Variants in SCN2A observed in about 807,000 individuals in gnomAD.
The protein encoded by SCN2A is sodium voltage-gated channel alpha subunit 2, also known as sodium channel protein type 2 subunit alpha.
Under a neutral mutation model 188.7 loss-of-function variants are expected in SCN2A, and 20 were observed. That is an observed-to-expected ratio of 0.11 (90% CI 0.07 to 0.15). The LOEUF (loss-of-function observed/expected upper bound fraction) is 0.15, where lower values mean the gene tolerates loss of function less well. Among genes scored for constraint, SCN2A ranks in the 10% least tolerant of loss-of-function variants. SCN2A has a pLI of 1.00. For synonymous variants in SCN2A, 804 were observed against 833.1 expected (o/e 0.97, Z 0.60); for missense variants, 1,278 against 2,445.0 (o/e 0.52, Z 10.07).
intron 17 of SCN2A, 26 bp downstream of exon 17, chr2:165,354,697 T>C (rs200281442): frequency 1.9e-6 from 3 of 1,609,018 alleles, no homozygotes; most frequent in Non-Finnish European, 1.7e-6. Context: ...TAAGGAGATA[T>C]TTTGGTGTTA....
intron 2 of SCN2A, chr2:165,296,764 G>C (rs574595743): frequency 1.7e-4 from 46 of 272,552 alleles, no homozygotes; most frequent in Admixed American, 1.4e-3. Context: ...ATTAAAACTT[G>C]ATAAAGTTGC....
At chr2:165,240,695 G>GTGTGTGTGT (rs1693579275) in intron 1 of SCN2A, among the ~76,000 whole-genome samples, 1 of 136,076 alleles carries the variant, frequency 7.3e-6, no homozygotes, top group African/African-American at 2.9e-5. Context: ...GTGTGTGTGT[G>GTGTGTGTGT]ATGGTGGAGG....
intron 17 of SCN2A, among the ~76,000 whole-genome samples, chr2:165,356,833 C>T (rs1700205107): frequency 6.6e-6 from 1 of 152,150 alleles, no homozygotes; most frequent in Admixed American, 6.5e-5. Flanking sequence ...AGAGTAGGGA[C>T]ATCTCTTGTT....
chr2:165,386,674 T>A, intron 25 of SCN2A, 72 bp from the exon 26 acceptor site: 1 of 1,465,174 alleles, frequency 6.8e-7, no homozygotes, highest in South Asian at 1.2e-5. Context: ...TGTTGCTTTC[T>A]TAAAATCAGA....
chr2:165,366,552 G>C (rs983776256), intron 18 of SCN2A, among the ~76,000 whole-genome samples: 1 of 151,782 alleles, frequency 6.6e-6, no homozygotes, highest in Non-Finnish European at 1.5e-5. Context: ...GGCAAACATG[G>C]TAAGACCCCA....
chr2:165,292,854 G>A (rs1696292630), intron 1 of SCN2A, among the ~76,000 whole-genome samples: 1 of 152,150 alleles, frequency 6.6e-6, no homozygotes, highest in Non-Finnish European at 1.5e-5. Context: ...TTATCCAATA[G>A]GGTTGTGTGG....
chr2:165,380,765 A>G (rs771876443), intron 24 of SCN2A, 36 bp downstream of exon 24: 10 of 1,478,928 alleles, frequency 6.8e-6, no homozygotes, highest in South Asian at 5.8e-5. Context: ...GCTCTGAAAT[A>G]TGAACTAAAT....
At chr2:165,242,409 C>G (rs1421986487) in intron 1 of SCN2A, among the ~76,000 whole-genome samples, 2 of 151,930 alleles carry the variant, frequency 1.3e-5, no homozygotes, top group African/African-American at 2.4e-5. Context: ...AATTGAATAT[C>G]AAAATAGGGA....
At chr2:165,387,126 A>G (rs1701918540) in intron 26 of SCN2A, 110 bp downstream of exon 26, 4 of 1,121,708 alleles carry the variant, frequency 3.6e-6, no homozygotes, top group Non-Finnish European at 5.3e-6. Flanking sequence ...AAACTCCCAA[A>G]TAAAAATCTA....
chr2:165,360,167 G>T (rs558115496), intron 17 of SCN2A, among the ~76,000 whole-genome samples: 1 of 151,338 alleles, frequency 6.6e-6, no homozygotes, highest in Non-Finnish European at 1.5e-5. Context: ...TGTTTTCTTC[G>T]AAATGTATCT....
At chr2:165,250,975 T>C (rs1694064787) in intron 1 of SCN2A, among the ~76,000 whole-genome samples, 2 of 152,024 alleles carry the variant, frequency 1.3e-5, no homozygotes, top group African/African-American at 2.4e-5. Context: ...TAAGGAGTAA[T>C]CAACAGAACA....
Position 165,316,975 on chromosome 2 carries a change from T to C in SCN2A, c.1671+1217T>C, listed in dbSNP as rs1697787487. On this transcript the variant is annotated intron_variant, in intron 11 of 26. Coordinates refer to ENST00000375437, the MANE Select transcript of SCN2A (RefSeq NM_001040142.2). ...CCTTAAAGTTTCCACTTTATCAAGT[T>C]GCCTATGAAGAATGCCTTTAAAAAC... Among the ~76,000 whole-genome samples the C allele has an allele frequency of 2.0e-5, 3 of 152,280 alleles. No individual in the cohort carries two copies. In the South Asian group the frequency reaches 6.2e-4, roughly 32 times the overall value.
intron 17 of SCN2A, among the ~76,000 whole-genome samples, chr2:165,357,619 A>AT (rs1700244842): frequency 1.3e-5 from 2 of 152,168 alleles, no homozygotes; most frequent in African/African-American, 4.8e-5. Flanking sequence ...TATTTCGATT[A>AT]TATTAATGTA....
At chr2:165,279,245 G>C (rs1695481520) in intron 1 of SCN2A, among the ~76,000 whole-genome samples, 1 of 152,206 alleles carries the variant, frequency 6.6e-6, no homozygotes, top group Non-Finnish European at 1.5e-5. Context: ...AGGAGACGAA[G>C]AGAGTCTTCT....
At chr2:165,288,984 T>C (rs981194812) in intron 1 of SCN2A, among the ~76,000 whole-genome samples, 1 of 152,062 alleles carries the variant, frequency 6.6e-6, no homozygotes, top group Admixed American at 6.5e-5. Flanking sequence ...AAAAGGCCAC[T>C]TCCAGAAAAA....
chr2:165,321,291 G>T (rs1231166871), intron 11 of SCN2A, among the ~76,000 whole-genome samples: 3 of 152,088 alleles, frequency 2.0e-5, no homozygotes, highest in Non-Finnish European at 2.9e-5. Context: ...TCAGGCTTTT[G>T]GTCAAAGCCA....
At chr2:165,334,201 C>T (rs1045233044) in intron 14 of SCN2A, among the ~76,000 whole-genome samples, 13 of 151,488 alleles carry the variant, frequency 8.6e-5, no homozygotes, top group African/African-American at 2.7e-4. Flanking sequence ...TTCAATGGAG[C>T]GTTAACATCA....
At chr2:165,365,759 G>T (rs1305281441) in intron 18 of SCN2A, among the ~76,000 whole-genome samples, 3 of 151,894 alleles carry the variant, frequency 2.0e-5, no homozygotes, top group South Asian at 2.1e-4. Context: ...TTTCAGTCAA[G>T]GTCAAATATT....
chr2:165,379,994 A>G (rs1291542086), intron 23 of SCN2A, among the ~76,000 whole-genome samples: 1 of 151,834 alleles, frequency 6.6e-6, no homozygotes, highest in Non-Finnish European at 1.5e-5. Flanking sequence ...TCATTTTCAG[A>G]AAGGAAAGAT....
Sources: gnomAD v4.1 joint callset for allele counts (sites outside exome capture counted in the v4.1 genomes callset) on GRCh38, gnomAD v4.1.1 for gene constraint, MANE v1.5 for transcripts, NCBI Gene and HGNC (gene_info 2026-07-23, HGNC 2026-07-21) for gene names.